KIAA1217: variants seen among roughly 807,000 people sequenced by gnomAD.
KIAA1217 encodes KIAA1217.
Under a neutral mutation model 163.9 loss-of-function variants are expected in KIAA1217, and 88 were observed. The ratio of observed to expected loss-of-function variants is 0.54; its 90% CI spans 0.45 to 0.64. The LOEUF is 0.64. Among genes scored for constraint, KIAA1217 ranks in the 30% least tolerant of loss-of-function variants. The probability of loss-of-function intolerance (pLI) is 0.00; values close to 1 mark genes in which losing one functional copy is unlikely to be tolerated. For synonymous variants in KIAA1217, 903 were observed against 923.1 expected (o/e 0.98, Z 0.39); for missense variants, 2,372 against 2,475.0 (o/e 0.96, Z 0.88).
intron 2 of KIAA1217, among the ~76,000 whole-genome samples, chr10:24,327,431 T>G (rs908088394): frequency 5.3e-5 from 8 of 152,184 alleles, no homozygotes; most frequent in Admixed American, 4.6e-4. Flanking sequence ...AATTTCTCAT[T>G]GAGTGCTATG....
intron 1 of KIAA1217, among the ~76,000 whole-genome samples, chr10:23,938,679 A>T (rs1843633562): frequency 6.6e-6 from 1 of 152,138 alleles, no homozygotes; most frequent in African/African-American, 2.4e-5. Flanking sequence ...TAAAAAAAAA[A>T]AGGATGTGCC....
chr10:24,491,740 T>C (rs371009134), intron 6 of KIAA1217, among the ~76,000 whole-genome samples: 53 of 152,072 alleles, frequency 3.5e-4, no homozygotes, highest in African/African-American at 1.1e-3. Context: ...CTCTGCCATT[T>C]CCCTCTTAGC....
intron 2 of KIAA1217, among the ~76,000 whole-genome samples, chr10:24,048,987 T>G (rs1451158517): frequency 7.3e-6 from 1 of 137,376 alleles, no homozygotes; most frequent in African/African-American, 2.9e-5. Flanking sequence ...GCCAAGATTG[T>G]GCCACTGCAC....
chr10:23,710,255 A>T (rs1837167567), intron 1 of KIAA1217, among the ~76,000 whole-genome samples: 1 of 152,126 alleles, frequency 6.6e-6, no homozygotes, highest in Non-Finnish European at 1.5e-5. Context: ...CTTTACCATC[A>T]CATAGTTTAA....
intron 1 of KIAA1217, among the ~76,000 whole-genome samples, chr10:23,811,399 G>A (rs1182925898): frequency 6.6e-6 from 1 of 150,476 alleles, no homozygotes; most frequent in Non-Finnish European, 1.5e-5. Context: ...TGGGACTGGA[G>A]AGGGAAAAAA....
chr10:24,535,545 T>C (rs1333741757), intron 16 of KIAA1217, among the ~76,000 whole-genome samples: 1 of 152,100 alleles, frequency 6.6e-6, no homozygotes, highest in Non-Finnish European at 1.5e-5. Context: ...GAGGCTGAGG[T>C]GGGCAGATTG....
At chr10:24,355,951 A>G (rs1310116228) in intron 2 of KIAA1217, among the ~76,000 whole-genome samples, 1 of 150,300 alleles carries the variant, frequency 6.7e-6, no homozygotes, top group Non-Finnish European at 1.5e-5. Flanking sequence ...ATTTCACTAT[A>G]TTGGTCAGGC....
In KIAA1217 at chr10:24,036,357, G is replaced by A. The variant is rs1468321398; in HGVS notation, c.-171+28983G>A. Among the ~76,000 whole-genome samples the A allele has an allele frequency of 2.6e-5, 4 of 152,170 alleles. No individual in the cohort carries two copies. The East Asian group carries it at 5.8e-4, about 22-fold the overall frequency. Reference sequence around the variant, plus strand: ...AACTAAATAGAGATATATGTGGGGAGGGGGTCAGGGAGGCCCAGAAGTACA... The same window carrying A: ...AACTAAATAGAGATATATGTGGGGAAGGGGTCAGGGAGGCCCAGAAGTACA... On this transcript the variant is annotated intron_variant, in intron 2 of 18. Transcript: ENST00000376462.
intron 2 of KIAA1217, among the ~76,000 whole-genome samples, chr10:24,057,296 C>T (rs2131593332): frequency 6.6e-6 from 1 of 152,242 alleles, no homozygotes; most frequent in East Asian, 1.9e-4. Flanking sequence ...AACACGTGAT[C>T]TAGCCTCTTA....
intron 3 of KIAA1217, among the ~76,000 whole-genome samples, chr10:24,393,465 G>A (rs539058638): frequency 1.1e-4 from 16 of 152,164 alleles, no homozygotes; most frequent in African/African-American, 2.9e-4. Context: ...GACAGCAGGC[G>A]AGAGCCCCCA....
At chr10:23,741,605 G>T (rs1192547258) in intron 1 of KIAA1217, among the ~76,000 whole-genome samples, 1 of 152,158 alleles carries the variant, frequency 6.6e-6, no homozygotes, top group Non-Finnish European at 1.5e-5. Context: ...AGGAGACACT[G>T]GTCTGTAAGC....
chr10:24,449,349 G>T, intron 5 of KIAA1217: 1 of 486,502 alleles, frequency 2.1e-6, no homozygotes, highest in Non-Finnish European at 2.7e-6. Flanking sequence ...TTTTGTCATT[G>T]AGAGGTTATG....
At chr10:23,712,012 A>G (rs1837288953) in intron 1 of KIAA1217, among the ~76,000 whole-genome samples, 1 of 152,126 alleles carries the variant, frequency 6.6e-6, no homozygotes, top group African/African-American at 2.4e-5. Flanking sequence ...GTCTGCAGAC[A>G]TTGTCAGAGA....
At chr10:24,365,296 C>G (rs2050622141) in intron 2 of KIAA1217, among the ~76,000 whole-genome samples, 1 of 152,110 alleles carries the variant, frequency 6.6e-6, no homozygotes, top group Non-Finnish European at 1.5e-5. Context: ...CTTCCATTAC[C>G]ACTTTCCATT....
At chr10:24,422,336 A>C (rs1027352299) in intron 3 of KIAA1217, among the ~76,000 whole-genome samples, 1 of 152,208 alleles carries the variant, frequency 6.6e-6, no homozygotes, top group Non-Finnish European at 1.5e-5. Context: ...ATTAATTGAT[A>C]TTATAATATT....
At chr10:24,055,023 T>G (rs1407651132) in intron 2 of KIAA1217, among the ~76,000 whole-genome samples, 2 of 152,128 alleles carry the variant, frequency 1.3e-5, no homozygotes, top group South Asian at 4.1e-4. Flanking sequence ...TCCTAGCATT[T>G]TGGGAAGCCG....
intron 9 of KIAA1217, among the ~76,000 whole-genome samples, chr10:24,505,934 A>G (rs926569638): frequency 6.6e-6 from 1 of 152,012 alleles, no homozygotes; most frequent in African/African-American, 2.4e-5. Flanking sequence ...ATGCATAACA[A>G]TGGTCACGGG....
At chr10:24,330,156 C>G (rs1591016566) in intron 2 of KIAA1217, among the ~76,000 whole-genome samples, 1 of 151,812 alleles carries the variant, frequency 6.6e-6, no homozygotes, top group Non-Finnish European at 1.5e-5. Context: ...AAAAATTAGC[C>G]AGGCGTGGTG....
intron 2 of KIAA1217, among the ~76,000 whole-genome samples, chr10:24,030,635 A>G (rs577353068): frequency 7.9e-4 from 120 of 152,250 alleles, no homozygotes; most frequent in Middle Eastern, 3.4e-3. Context: ...GGTCTTCCTC[A>G]ACCTGAACTC....
Sources: gnomAD v4.1 joint callset for allele counts (sites outside exome capture counted in the v4.1 genomes callset) on GRCh38, gnomAD v4.1.1 for gene constraint, MANE v1.5 for transcripts, NCBI Gene and HGNC (gene_info 2026-07-23, HGNC 2026-07-21) for gene names.